Variants in MGAM2 observed in about 807,000 individuals in gnomAD.
MGAM2 encodes the protein maltase-glucoamylase 2 (putative).
A neutral mutation model predicts 96.1 loss-of-function variants in MGAM2; 98 were observed. The observed-to-expected ratio is 1.02, with a 90% CI of 0.87 to 1.21. MGAM2 has a LOEUF of 1.21. Ranked by LOEUF, MGAM2 falls within the 50% of genes most tolerant of loss-of-function variation. The pLI is 0.00. For missense variants in MGAM2, 2,055 were observed against 1,182.4 expected (o/e 1.74, Z -10.82); for synonymous variants, 749 against 414.8 (o/e 1.81, Z -9.79).
chr7:142,143,682 T>C (rs1338092434), intron 12 of MGAM2, 87 bp from the exon 13 acceptor site: 3 of 460,238 alleles, frequency 6.5e-6, no homozygotes, highest in Non-Finnish European at 1.2e-5. Flanking sequence ...GACAGCAAAA[T>C]GAGGCTCCTA....
At chr7:142,118,752 A>C (rs1794459699) in intron 2 of MGAM2, among the ~76,000 whole-genome samples, 1 of 152,160 alleles carries the variant, frequency 6.6e-6, no homozygotes, top group East Asian at 1.9e-4. Context: ...AGTAAGAAAA[A>C]AGACTTTCCC....
intron 5 of MGAM2, 87 bp from the exon 6 acceptor site, chr7:142,131,844 G>A: frequency 1.6e-6 from 1 of 626,030 alleles, no homozygotes; most frequent in Non-Finnish European, 2.9e-6. Context: ...CTCATGGGGT[G>A]TCATTTGAGA....
At position 142,132,102 on chromosome 7, in the gene MGAM2, T is replaced by C; in HGVS notation, c.575+17T>C. ...AAGAGTCTTGTGAGCTTTTCAACCC[T>C]CTTGGTGCATCTTTGAACACACAGT... On this transcript the variant is annotated intron_variant, in intron 6 of 47. Coordinates refer to ENST00000477922, the MANE Select transcript of MGAM2 (RefSeq NM_001293626.2). 5.7e-6 allele frequency: 4 copies of C among 696,770 alleles called. No homozygotes were observed. Among genetic ancestry groups the C allele is most frequent in the Non-Finnish European group, 1.0e-5 (4 of 382,696 alleles). The allele number at this position is 696,770 out of a possible 1,614,324, so 43.2% of individuals were successfully genotyped here. A position where few individuals can be genotyped will look rare whatever the true frequency, so the allele number is the denominator to read the frequency against.
intron 40 of MGAM2, among the ~76,000 whole-genome samples, 193 bp from the exon 41 acceptor site, chr7:142,197,207 C>T (rs940366788): frequency 2.6e-5 from 4 of 152,092 alleles, no homozygotes; most frequent in South Asian, 4.1e-4. Context: ...ACTTAGGAAT[C>T]AGTGATAAAG....
intron 45 of MGAM2, among the ~76,000 whole-genome samples, chr7:142,204,928 A>G (rs557402606): frequency 5.9e-5 from 9 of 152,274 alleles, no homozygotes; most frequent in South Asian, 4.1e-4. Flanking sequence ...AGGGCATACT[A>G]CGGTGCCAAT....
rs1585221358 is a variant in MGAM2, at chr7:142,209,848, T to C, written c.5187+1226T>C. Among the ~76,000 whole-genome samples the C allele has an allele frequency of 2.0e-5, 3 of 152,344 alleles. No individual in the cohort carries two copies. The East Asian group carries it at 5.8e-4, about 29-fold the overall frequency. On this transcript the variant is annotated intron_variant, in intron 46 of 47. Coordinates refer to ENST00000477922, the MANE Select transcript of MGAM2 (RefSeq NM_001293626.2). The stretch of plus-strand genomic sequence containing the variant: ...ATGTGGCTATTGAACACTTGAAATG[T>C]GACCAGCCTAATTTGAAATATTCAA...
chr7:142,152,049 G>A (rs1254326551), intron 15 of MGAM2, among the ~76,000 whole-genome samples: 1 of 150,962 alleles, frequency 6.6e-6, no homozygotes, highest in Non-Finnish European at 1.5e-5. Flanking sequence ...AGCCGAAGGA[G>A]ACTAGAGTCT....
chr7:142,185,424 A>G (rs1796664428), intron 34 of MGAM2, among the ~76,000 whole-genome samples: 1 of 152,198 alleles, frequency 6.6e-6, no homozygotes, highest in African/African-American at 2.4e-5. Flanking sequence ...ATAATGAACC[A>G]AAGTCTAGCA....
intron 32 of MGAM2, among the ~76,000 whole-genome samples, chr7:142,179,712 C>G (rs1330813030): frequency 6.6e-6 from 1 of 152,086 alleles, no homozygotes; most frequent in African/African-American, 2.4e-5. Context: ...GGAGGAAAGC[C>G]TACTTGAACA....
intron 31 of MGAM2, among the ~76,000 whole-genome samples, chr7:142,174,624 G>A (rs1178311509): frequency 1.3e-5 from 2 of 150,292 alleles, no homozygotes; most frequent in Non-Finnish European, 3.0e-5. Context: ...ACAAGATCTA[G>A]TATCTAGATA....
intron 20 of MGAM2, 145 bp from the exon 21 acceptor site, chr7:142,159,989 T>C: frequency 1.7e-6 from 1 of 577,904 alleles, no homozygotes; most frequent in Non-Finnish European, 3.1e-6. Flanking sequence ...CTACTACCCA[T>C]ATGCTTTCAG....
chr7:142,212,159 T>C (rs1797605678), intron 46 of MGAM2, among the ~76,000 whole-genome samples: 1 of 152,194 alleles, frequency 6.6e-6, no homozygotes, highest in South Asian at 2.1e-4. Flanking sequence ...TGCTGAGGGA[T>C]TTGGTCACCA....
chr7:142,187,612 C>T, intron 35 of MGAM2, 138 bp from the exon 36 acceptor site: 1 of 567,892 alleles, frequency 1.8e-6, no homozygotes, highest in Non-Finnish European at 3.2e-6. Context: ...TGGGTCAGTG[C>T]CAGGAATTAA....
rs1465324183 is a variant in MGAM2 at position 142,160,141 on chromosome 7, C to T, written c.2228C>T (p.Ala743Val). ...ATWYDYETGV[A>V]ISWRKQLVNM... is the part of the protein sequence containing the mutation. ...GTTGTTGTTGCTGATTAGGGAGTGGCCATCTCATGGAGGAAACAGTTGGTG... is the reference window on the plus strand; with the variant it reads ...GTTGTTGTTGCTGATTAGGGAGTGGTCATCTCATGGAGGAAACAGTTGGTG... Residue 743 changes from alanine to valine, a missense_variant, in exon 21 of 48, where the codon GCC (alanine) becomes GTC (valine). Physicochemically the swap from Ala to Val is moderately conservative, Grantham distance 64. Transcript: ENST00000477922. The T allele has an allele frequency of 1.3e-5, 9 of 701,374 alleles. No individual in the cohort carries two copies. The Admixed American group carries it at 1.8e-4, about 14-fold the overall frequency. The allele number at this position is 701,374 out of a possible 1,614,324, so 43.4% of individuals were successfully genotyped here.
Position 142,166,084 on chromosome 7 carries a change from GTC to G in MGAM2, c.2653-10_2653-9del. The G allele has an allele frequency of 1.5e-6, 1 of 679,296 alleles. No homozygotes were observed. The highest frequency in any genetic ancestry group is 2.7e-5 in the East Asian group (1 of 36,410). 42.1% of individuals were successfully genotyped at this position (679,296 alleles called of 1,614,324 possible). ...CCTCCCTTCCTTTGTCACTGTGACTGTCTCTTTCCCCAGGTGGTAACCATCAC... is the reference window on the plus strand; with the variant it reads ...CCTCCCTTCCTTTGTCACTGTGACTGTCTTTCCCCAGGTGGTAACCATCAC... On this transcript the variant is annotated splice_polypyrimidine_tract_variant and intron_variant, in intron 24 of 47. Transcript: ENST00000477922.
At chr7:142,132,718 A>G (rs1794932481) in intron 6 of MGAM2, among the ~76,000 whole-genome samples, 1 of 126,364 alleles carries the variant, frequency 7.9e-6, no homozygotes, top group Non-Finnish European at 1.5e-5. Context: ...AATTAATATT[A>G]ATAATATTAA....
chr7:142,205,263 A>G (rs549156099), intron 45 of MGAM2, among the ~76,000 whole-genome samples: 1 of 152,216 alleles, frequency 6.6e-6, no homozygotes, highest in South Asian at 2.1e-4. Context: ...GCTGCTATGA[A>G]CATCTGAATA....
chr7:142,195,384 C>G (rs1273089708), intron 37 of MGAM2, among the ~76,000 whole-genome samples: 1 of 105,618 alleles, frequency 9.5e-6, no homozygotes, highest in Non-Finnish European at 1.7e-5. Context: ...GAGACAGAGT[C>G]TTGCTCTATC....
chr7:142,159,175 C>A (rs1277964759), intron 19 of MGAM2, 112 bp from the exon 20 acceptor site: 3 of 639,064 alleles, frequency 4.7e-6, no homozygotes, highest in African/African-American at 3.6e-5. Flanking sequence ...ATGGGATGAT[C>A]TCAACCATCT....
Sources: allele counts gnomAD v4.1 joint callset (sites outside exome capture counted in the v4.1 genomes callset), GRCh38; gene constraint gnomAD v4.1.1; transcripts MANE v1.5; gene names NCBI Gene and HGNC (gene_info 2026-07-23, HGNC 2026-07-21).